Variants in FDX1 observed in about 807,000 individuals in gnomAD.
The protein encoded by FDX1 is adrenodoxin, mitochondrial.
Under a neutral mutation model 14.9 loss-of-function variants are expected in FDX1, and 9 were observed. That is an observed-to-expected ratio of 0.60 (90% CI 0.36 to 1.05). FDX1 has a LOEUF of 1.05. Among genes scored for constraint, FDX1 ranks in the 50% least tolerant of loss-of-function variants. The pLI, the probability that FDX1 is intolerant of heterozygous loss-of-function variation, is 0.01. For missense variants in FDX1, 204 were observed against 237.2 expected (o/e 0.86, Z 0.92); for synonymous variants, 92 against 99.4 (o/e 0.93, Z 0.44).
At chr11:110,462,176 GT>G (rs1946560482) in intron 3 of FDX1, among the ~76,000 whole-genome samples, 177 bp from the exon 4 acceptor site, 1 of 152,282 alleles carries the variant, frequency 6.6e-6, no homozygotes, top group East Asian at 1.9e-4. Context: ...TTTACCTTTT[GT>G]TATTCTCTAG....
At chr11:110,444,685 C>CATACGTATATATATATATAT (rs1340877039) in intron 2 of FDX1, among the ~76,000 whole-genome samples, 1 of 36,736 alleles carries the variant, frequency 2.7e-5, no homozygotes, top group Non-Finnish European at 4.4e-5. Flanking sequence ...TATATATATA[C>CATACGTATATATATATATAT]ACGTATATAT....
At chr11:110,444,668 A>ATATATATATATACACACACG (rs1946428937) in intron 2 of FDX1, among the ~76,000 whole-genome samples, 1 of 68,120 alleles carries the variant, frequency 1.5e-5, no homozygotes, top group African/African-American at 7.4e-5. Context: ...ATATATACGT[A>ATATATATATATACACACACG]TATATATATA....
At chr11:110,450,796 G>A (rs1394063071) in intron 2 of FDX1, among the ~76,000 whole-genome samples, 2 of 151,960 alleles carry the variant, frequency 1.3e-5, no homozygotes, top group Non-Finnish European at 2.9e-5. Flanking sequence ...ACATATATGT[G>A]TATATCCATG....
chr11:110,453,343 C>T (rs552869552), intron 2 of FDX1, among the ~76,000 whole-genome samples: 1 of 152,102 alleles, frequency 6.6e-6, no homozygotes, highest in South Asian at 2.1e-4. Context: ...TCTGAAAAAA[C>T]AAACAAACAC....
chr11:110,430,184 G>A lies in FDX1; in HGVS notation c.64G>A (p.Gly22Ser). ...AASAVLGGPA[G>S]RWLHHAGSRA... ...TTCTGCTGTCCTCGGCGGCCCGGCC[G>A]GCCGGTGGCTGCACCACGCTGGGTC... Residue 22 changes from glycine to serine, a missense_variant, in exon 1 of 4, where the codon GGC (glycine) becomes AGC (serine). Coordinates refer to ENST00000260270, the MANE Select transcript of FDX1 (RefSeq NM_004109.5). The A allele has an allele frequency of 8.1e-7, 1 of 1,231,020 alleles. No individual in the cohort carries two copies. 76.3% of individuals were successfully genotyped at this position (1,231,020 alleles called of 1,614,324 possible).
At chr11:110,430,863 C>G (rs1218463461) in intron 1 of FDX1, among the ~76,000 whole-genome samples, 5 of 152,188 alleles carry the variant, frequency 3.3e-5, no homozygotes, top group African/African-American at 1.2e-4. Flanking sequence ...GCTAGTTGCT[C>G]AAGTGTTGAA....
chr11:110,447,273 CAAAAAAAAA>C (rs541827807), intron 2 of FDX1, among the ~76,000 whole-genome samples: 3 of 75,752 alleles, frequency 4.0e-5, no homozygotes, highest in Admixed American at 1.3e-4. Flanking sequence ...ACTAAAAATA[CAAAAAAAAA>C]AAAAAAAAAA....
chr11:110,464,615 G>T lies in FDX1; in HGVS notation c.*2147G>T, dbSNP rs1946581643. ...CAATTTAATTTCAAGATGAGTTTTG[G>T]AGGGGACATTCAAACCATAGCAGTG... On this transcript the variant is annotated 3_prime_UTR_variant, in exon 4 of 4. Transcript: ENST00000260270. The T allele has an allele frequency of 6.6e-6, 1 of 152,088 alleles. No individual in the cohort carries two copies. The highest frequency in any genetic ancestry group is 6.6e-5 in the Admixed American group (1 of 15,260). 9.4% of individuals were successfully genotyped at this position (152,088 alleles called of 1,614,324 possible).
At chr11:110,453,590 GT>G (rs1390844995) in intron 2 of FDX1, among the ~76,000 whole-genome samples, 2 of 148,010 alleles carry the variant, frequency 1.4e-5, no homozygotes, top group Non-Finnish European at 3.0e-5. Flanking sequence ...ACCCTTTTTG[GT>G]TAGGTGTCTC....
At chr11:110,442,783 T>C (rs1946412982) in intron 2 of FDX1, among the ~76,000 whole-genome samples, 1 of 152,168 alleles carries the variant, frequency 6.6e-6, no homozygotes, top group Admixed American at 6.5e-5. Context: ...TGTGAGGACA[T>C]GAGATTTGGG....
rs934580960 is a variant in FDX1 at position 110,464,178 on chromosome 11, G to C, written c.*1710G>C. 1.3e-4 allele frequency: 20 copies of C among 152,284 alleles called. No individual in the cohort carries two copies. The highest frequency in any genetic ancestry group is 4.8e-4 in the African/African-American group (20 of 41,540). 9.4% of individuals were successfully genotyped at this position (152,284 alleles called of 1,614,324 possible). A position where few individuals can be genotyped will look rare whatever the true frequency, so the allele number is the denominator to read the frequency against. ...TCCACCCACCTCAGCCTCCCAAAAT[G>C]CTGGGATTACAGATGTGAGCCACCG... is the stretch of plus-strand genomic sequence containing the variant. On this transcript the variant is annotated 3_prime_UTR_variant, in exon 4 of 4. Coordinates refer to ENST00000260270, the MANE Select transcript of FDX1 (RefSeq NM_004109.5).
chr11:110,442,953 A>G (rs1228411750), intron 2 of FDX1, among the ~76,000 whole-genome samples: 1 of 152,118 alleles, frequency 6.6e-6, no homozygotes, highest in Non-Finnish European at 1.5e-5. Context: ...AAGACTCACA[A>G]TATCTGACAG....
In FDX1 at chr11:110,444,721, TACGTATATATATATATATATATAC is replaced by T. The variant is rs1565382003; in HGVS notation, c.310+8786_310+8809del. ...ATATATATACGTATATATATATATA[TACGTATATATATATATATATATAC>T]ACGTATATATATATATATATATTTG... On this transcript the variant is annotated intron_variant, in intron 2 of 3. Coordinates refer to ENST00000260270, the MANE Select transcript of FDX1 (RefSeq NM_004109.5). 5.5e-4 allele frequency among the ~76,000 whole-genome samples: 29 copies of T among 53,048 alleles called. No homozygotes were observed. In the Middle Eastern group the frequency reaches 0.021, roughly 39 times the overall value. The allele number at this position is 53,048 out of a possible 152,430, so 34.8% of individuals were successfully genotyped here.
intron 2 of FDX1, among the ~76,000 whole-genome samples, chr11:110,441,329 T>C (rs896324223): frequency 6.6e-6 from 1 of 152,118 alleles, no homozygotes; most frequent in Non-Finnish European, 1.5e-5. Context: ...CAGGCAGACA[T>C]TGGAACAGTT....
chr11:110,437,885 CTT>C (rs1368443309), intron 2 of FDX1, among the ~76,000 whole-genome samples: 1 of 152,182 alleles, frequency 6.6e-6, no homozygotes, highest in Non-Finnish European at 1.5e-5. Context: ...AGTGAGAACA[CTT>C]TGCTTTTCTG....
intron 3 of FDX1, among the ~76,000 whole-genome samples, chr11:110,459,865 A>T (rs965405310): frequency 6.6e-6 from 1 of 152,224 alleles, no homozygotes; most frequent in African/African-American, 2.4e-5. Context: ...CCACTGCCTT[A>T]TTCTCTAGAC....
chr11:110,453,583 CT>C (rs1946500849), intron 2 of FDX1, among the ~76,000 whole-genome samples: 1 of 150,570 alleles, frequency 6.6e-6, no homozygotes, highest in East Asian at 1.9e-4. Flanking sequence ...CCTAAATACC[CT>C]TTTTGGTTAG....
Position 110,463,350 on chromosome 11 carries a change from G to C in FDX1, c.*882G>C, listed in dbSNP as rs532953828. On this transcript the variant is annotated 3_prime_UTR_variant, in exon 4 of 4. Transcript: ENST00000260270. ...CAGGTGGCGCCATTCTCTCACGCAA[G>C]GATGGGGCTGCAGGGTGAGCAGCGT... The C allele has an allele frequency of 3.3e-5, 5 of 152,406 alleles. No individual in the cohort carries two copies. The highest frequency in any genetic ancestry group is 2.1e-4 in the South Asian group (1 of 4,828). The allele number at this position is 152,406 out of a possible 1,614,324, so 9.4% of individuals were successfully genotyped here. A position where few individuals can be genotyped will look rare whatever the true frequency, so the allele number is the denominator to read the frequency against.
chr11:110,450,205 T>C (rs1264156550), intron 2 of FDX1, among the ~76,000 whole-genome samples: 2 of 152,146 alleles, frequency 1.3e-5, no homozygotes, highest in Non-Finnish European at 2.9e-5. Flanking sequence ...CTGTATCATA[T>C]AATGAAATAA....
Sources: allele counts gnomAD v4.1 joint callset (sites outside exome capture counted in the v4.1 genomes callset), GRCh38; gene constraint gnomAD v4.1.1; transcripts MANE v1.5; gene names NCBI Gene and HGNC (gene_info 2026-07-23, HGNC 2026-07-21).